Variants in CDAN1 observed in about 807,000 individuals in gnomAD.
The protein encoded by CDAN1 is codanin 1.
Under a neutral mutation model 139.8 loss-of-function variants are expected in CDAN1, and 107 were observed. That is an observed-to-expected ratio of 0.77 (90% CI 0.65 to 0.90). CDAN1 has a LOEUF of 0.90. Among genes scored for constraint, CDAN1 ranks in the 40% least tolerant of loss-of-function variants. The pLI is 0.00. For missense variants in CDAN1, 1,667 were observed against 1,575.7 expected, an observed-to-expected ratio of 1.06 and a Z score of -0.98; for synonymous variants, 776 against 660.6, an observed-to-expected ratio of 1.17 and a Z score of -2.68.
At chr15:42,728,546 A>T (rs2061562993) in intron 20 of CDAN1, 106 bp downstream of exon 20, 2 of 1,475,548 alleles carry the variant, frequency 1.4e-6, no homozygotes, top group Non-Finnish European at 1.9e-6. Flanking sequence ...AGAAGAAAAA[A>T]GGAGGCATGA....
In CDAN1 at chr15:42,729,466, CTA is replaced by C. The variant is rs570855477; in HGVS notation, c.2407+100_2407+101del. The C allele has an allele frequency of 3.0e-4, 480 of 1,599,942 alleles. 2 individuals carry two copies. The African/African-American group carries it at 5.8e-3, about 19-fold the overall frequency. On this transcript the variant is annotated intron_variant, in intron 17 of 27. Coordinates refer to ENST00000356231, the MANE Select transcript of CDAN1 (RefSeq NM_138477.4). ...AAGAGGCTCAGATACCCAGGAATGA[CTA>C]TGAACGGAGCAATATCCAAGGGAGC... is the stretch of plus-strand genomic sequence containing the variant.
Position 42,726,336 on chromosome 15 carries a change from G to T in CDAN1, c.3178C>A (p.Leu1060Met). ...PEHLEQLLGQ[L>M]GQTLRCRQFL... ...TGGCGGCACCGCAGCGTCTGGCCCA[G>T]CTGGCCTAGGAGCTGTTCCAGATGC... Residue 1060 changes from leucine (L) to methionine (M), a missense_variant, in exon 24 of 28, where the codon CTG becomes ATG. Coordinates refer to ENST00000356231, the MANE Select transcript of CDAN1 (RefSeq NM_138477.4). 1 of 1,592,240 alleles carries T rather than the reference G, an allele frequency of 6.3e-7. No homozygotes were observed. The highest frequency in any genetic ancestry group is 8.6e-7 in the Non-Finnish European group (1 of 1,169,520).
chr15:42,736,191 A>AG (rs2061684527), intron 2 of CDAN1, 111 bp downstream of exon 2: 11 of 1,571,800 alleles, frequency 7.0e-6, no homozygotes, highest in Non-Finnish European at 9.5e-6. Flanking sequence ...CCTCACCATC[A>AG]CCCCCAGCCT....
chr15:42,728,885 G>T, intron 19 of CDAN1, 75 bp from the exon 20 acceptor site: 1 of 1,605,278 alleles, frequency 6.2e-7, no homozygotes, highest in South Asian at 1.1e-5. Flanking sequence ...TGGGAATTTG[G>T]TCAGAAATTT....
intron 20 of CDAN1, 117 bp from the exon 21 acceptor site, chr15:42,728,384 C>A: frequency 8.4e-7 from 1 of 1,195,350 alleles, no homozygotes; most frequent in Non-Finnish European, 1.2e-6. Context: ...AAGGAGGCAC[C>A]GTTTGCCCTC....
In CDAN1 at chr15:42,731,293, A is replaced by G. The variant is rs1165788937; in HGVS notation, c.1778T>C (p.Leu593Ser). Reference protein sequence around the residue: ...FNQHLMDSLSLKIQELNGLAL... With the variant: ...FNQHLMDSLSSKIQELNGLAL... Reference sequence around the variant, plus strand: ...AAGACCATTGAGCTCCTGGATCTTCAAGCTCAGACTGTCCATGAGATGCTG... The same window carrying G: ...AAGACCATTGAGCTCCTGGATCTTCGAGCTCAGACTGTCCATGAGATGCTG... Residue 593 changes from leucine to serine, a missense_variant, in exon 12 of 28, where the codon TTG becomes TCG. Physicochemically the swap from Leu to Ser is moderately radical, Grantham distance 145. Transcript: ENST00000356231. 1.2e-6 allele frequency: 2 copies of G among 1,613,970 alleles called. No individual in the cohort carries two copies. Among genetic ancestry groups the G allele is most frequent in the African/African-American group, 1.3e-5 (1 of 74,904 alleles).
intron 19 of CDAN1, 98 bp downstream of exon 19, chr15:42,728,925 C>T (rs993298768): frequency 1.9e-6 from 3 of 1,576,624 alleles, no homozygotes; most frequent in African/African-American, 2.7e-5. Context: ...ATTTCAGCCC[C>T]ACACCCACCC....
intron 7 of CDAN1, 28 bp from the exon 8 acceptor site, chr15:42,734,075 T>C (rs2061653125): frequency 6.3e-7 from 1 of 1,594,014 alleles, no homozygotes; most frequent in African/African-American, 1.3e-5. Context: ...CGTTAGGAAC[T>C]GCAGGGTCAT....
At position 42,732,243 on chromosome 15, in the gene CDAN1, C is replaced by T. The variant is rs987570688; in HGVS notation, c.1533+90G>A. 5.3e-5 allele frequency: 64 copies of T among 1,216,272 alleles called. No homozygotes were observed. The East Asian group carries it at 1.4e-3, about 27-fold the overall frequency. The allele number at this position is 1,216,272 out of a possible 1,614,324, so 75.3% of individuals were successfully genotyped here. A position where few individuals can be genotyped will look rare whatever the true frequency, so the allele number is the denominator to read the frequency against. On this transcript the variant is annotated intron_variant, in intron 10 of 27. Transcript: ENST00000356231. ...AAATTCCAGCCCAGGACCTGCCAGG[C>T]TGTCTGCCCTATCCCAAAGTGCAGC...
At chr15:42,725,697 AAAAG>A in intron 25 of CDAN1, 27 bp from the exon 26 acceptor site, 1 of 1,613,142 alleles carries the variant, frequency 6.2e-7, no homozygotes, top group Non-Finnish European at 8.5e-7. Context: ...GCCAAGCTTT[AAAAG>A]ATGGGGGCAG....
Position 42,736,339 on chromosome 15 carries a change from A to G in CDAN1, c.532T>C (p.Phe178Leu). 1 of 1,613,552 alleles carries G rather than the reference A, an allele frequency of 6.2e-7. No homozygotes were observed. The highest frequency in any genetic ancestry group is 8.5e-7 in the Non-Finnish European group (1 of 1,179,842). ...GGGGGAACCGAGCCTACGGGAGGGA[A>G]CTCCTCCAGGTTGCTGAGGTTTGGC... ...DPPNLSNLEE[F>L]PPVGSVPPGP... is the part of the protein sequence containing the mutation. The change falls in exon 2 of 28, where the codon TTC (phenylalanine) becomes CTC (leucine). Residue 178 changes from phenylalanine (F) to leucine (L), a missense_variant. By Grantham distance (22) the Phe-to-Leu change is conservative. Coordinates refer to ENST00000356231, the MANE Select transcript of CDAN1 (RefSeq NM_138477.4).
In CDAN1 at chr15:42,724,748, A is replaced by G. The variant is rs559120278; in HGVS notation, c.3559-132T>C. 8.8e-4 allele frequency: 1,002 copies of G among 1,144,428 alleles called. 1 individual carries two copies. The highest frequency in any genetic ancestry group is 1.1e-3 in the Non-Finnish European group (871 of 794,038). 70.9% of individuals were successfully genotyped at this position (1,144,428 alleles called of 1,614,324 possible). On this transcript the variant is annotated intron_variant, in intron 27 of 27. Coordinates refer to ENST00000356231, the MANE Select transcript of CDAN1 (RefSeq NM_138477.4). ...AACTGCCCTCCACACTGAAATGGAC[A>G]TGAAACCTTGTCTGTTTGTTAGTAC...
At chr15:42,724,792 T>C (rs2061500796) in intron 27 of CDAN1, 176 bp from the exon 28 acceptor site, 9 of 843,570 alleles carry the variant, frequency 1.1e-5, no homozygotes, top group South Asian at 3.2e-5. Flanking sequence ...GCTGAAGTTA[T>C]GGCAGGGAGC....
Position 42,728,048 on chromosome 15 carries a change from TAC to T in CDAN1, c.2869-17_2869-16del, listed in dbSNP as rs781030207. ...CTGCTCAGAACCTGCGAAACAGAACTACAGAGTCAGGGGCTAGGGGAGGGCTG... is the reference window on the plus strand; with the variant it reads ...CTGCTCAGAACCTGCGAAACAGAACTAGAGTCAGGGGCTAGGGGAGGGCTG... On this transcript the variant is annotated splice_polypyrimidine_tract_variant and intron_variant, in intron 21 of 27. Transcript: ENST00000356231. 9.9e-6 allele frequency: 16 copies of T among 1,613,274 alleles called. No homozygotes were observed. The highest frequency in any genetic ancestry group is 4.4e-5 in the South Asian group (4 of 91,064).
chr15:42,726,223 C>T (rs1035043369), intron 24 of CDAN1, 63 bp from the exon 25 acceptor site: 65 of 1,606,008 alleles, frequency 4.0e-5, no homozygotes, highest in Non-Finnish European at 5.4e-5. Flanking sequence ...GCTGCGAGAA[C>T]TGGCCCTGAG....
In CDAN1 at chr15:42,727,615, G is replaced by A. The variant is rs539649120; in HGVS notation, c.3096+6C>T. 1.4e-5 allele frequency: 22 copies of A among 1,559,076 alleles called. 1 individual carries two copies. The South Asian group carries it at 1.5e-4, about 11-fold the overall frequency. On this transcript the variant is annotated splice_donor_region_variant and intron_variant, in intron 23 of 27. Transcript: ENST00000356231. Reference sequence around the variant, plus strand: ...GGAAGCCAAAGGGAGTAGGGTAGCCGTGTACTTTTATCTCGGAGATGAGGT... The same window carrying A: ...GGAAGCCAAAGGGAGTAGGGTAGCCATGTACTTTTATCTCGGAGATGAGGT...
intron 14 of CDAN1, among the ~76,000 whole-genome samples, 187 bp downstream of exon 14, chr15:42,730,411 C>T (rs1311284693): frequency 6.6e-6 from 1 of 152,226 alleles, no homozygotes. Context: ...CAGCATGAGG[C>T]CAATGAAAGT....
At position 42,730,714 on chromosome 15, in the gene CDAN1, G is replaced by A. The variant is rs2061599910; in HGVS notation, c.2058C>T (p.Ala686=). ...VRTLLQRGLQ[A]RRAVLTVPWL... ...AGGGCACGGTGAGCACCGCCCGGCG[G>A]GCCTGCAGCCCTCGCTGCAGCAGAG... Residue 686 remains alanine (A), a synonymous_variant, in exon 14 of 28, where the codon GCC becomes GCT. Transcript: ENST00000356231. 1.2e-6 allele frequency: 2 copies of A among 1,613,380 alleles called. No homozygotes were observed. Among genetic ancestry groups the A allele is most frequent in the Non-Finnish European group, 1.7e-6 (2 of 1,179,672 alleles).
chr15:42,737,069 C>T lies in CDAN1; in HGVS notation c.34G>A (p.Glu12Lys), dbSNP rs867838112. The stretch of plus-strand genomic sequence containing the variant: ...CGCACGACGGCTGCGACCGACACCT[C>T]TTCTCGCAGCAGCGACTCCAAAACG... ...AAVLESLLRE[E>K]VSVAAVVRWI... is the part of the protein sequence containing the mutation. The change falls in exon 1 of 28, where the codon GAG becomes AAG. Residue 12 changes from glutamate (E) to lysine (K), a missense_variant. Glu to Lys is a moderately conservative substitution (Grantham distance 56, BLOSUM62 1). Coordinates refer to ENST00000356231, the MANE Select transcript of CDAN1 (RefSeq NM_138477.4). 2.6e-6 allele frequency: 4 copies of T among 1,536,778 alleles called. No homozygotes were observed. The highest frequency in any genetic ancestry group is 1.2e-5 in the South Asian group (1 of 82,752).
Sources: gnomAD v4.1 joint callset for allele counts (sites outside exome capture counted in the v4.1 genomes callset) on GRCh38, gnomAD v4.1.1 for gene constraint, MANE v1.5 for transcripts, NCBI Gene and HGNC (gene_info 2026-07-23, HGNC 2026-07-21) for gene names.